Variants in NFAT5 observed in about 807,000 individuals in gnomAD.
The protein encoded by NFAT5 is nuclear factor of activated T cells 5.
Under a neutral mutation model 166.5 loss-of-function variants are expected in NFAT5, and 31 were observed. That is an observed-to-expected ratio of 0.19 (90% CI 0.14 to 0.25). The LOEUF (loss-of-function observed/expected upper bound fraction) is 0.25. NFAT5 is among the 10% of genes least tolerant of loss of function. The probability of loss-of-function intolerance (pLI) is 1.00; values close to 1 mark genes in which losing one functional copy is unlikely to be tolerated. For synonymous variants in NFAT5, 612 were observed against 639.7 expected, an observed-to-expected ratio of 0.96 and a Z score of 0.65; for missense variants, 1,449 against 1,821.8, an observed-to-expected ratio of 0.80 and a Z score of 3.72.
At chr16:69,611,861 T>G (rs2033717490) in intron 2 of NFAT5, among the ~76,000 whole-genome samples, 1 of 152,216 alleles carries the variant, frequency 6.6e-6, no homozygotes, top group South Asian at 2.1e-4. Flanking sequence ...TCACTGTAAT[T>G]TAAGCCCATT....
intron 10 of NFAT5, among the ~76,000 whole-genome samples, chr16:69,680,017 CT>C (rs1449884661): frequency 1.3e-5 from 2 of 152,112 alleles, no homozygotes; most frequent in African/African-American, 2.4e-5. Context: ...ACTCAGGAGG[CT>C]GAGGCAGGAG....
At chr16:69,600,335 A>G (rs1405155009) in intron 2 of NFAT5, among the ~76,000 whole-genome samples, 1 of 152,198 alleles carries the variant, frequency 6.6e-6, no homozygotes, top group Non-Finnish European at 1.5e-5. Flanking sequence ...TGGTTGGAAC[A>G]GAAGCCAAGT....
intron 2 of NFAT5, among the ~76,000 whole-genome samples, chr16:69,603,297 T>C (rs1196431155): frequency 5.9e-5 from 9 of 152,198 alleles, no homozygotes; most frequent in Non-Finnish European, 1.2e-4. Context: ...ACCTAAAGTG[T>C]GCAAATATTA....
chr16:69,684,855 G>T (rs1442548541), intron 10 of NFAT5, 32 bp from the exon 11 acceptor site: 1 of 1,434,184 alleles, frequency 7.0e-7, no homozygotes, highest in Non-Finnish European at 9.6e-7. Flanking sequence ...ATGAGTAAAT[G>T]TAGATAAATA....
At chr16:69,658,807 A>G (rs998455405) in intron 6 of NFAT5, among the ~76,000 whole-genome samples, 2 of 152,170 alleles carry the variant, frequency 1.3e-5, no homozygotes, top group East Asian at 1.9e-4. Context: ...GGCCTGGGTG[A>G]CAGAGCGAGA....
At position 69,598,636 on chromosome 16, in the gene NFAT5, T is replaced by C. The variant is rs967702212; in HGVS notation, c.128-27767T>C. Reference sequence around the variant, plus strand: ...GCTATGCAACAAGCACTAAGCTATATGCTGGGGCTACAAAAAGTAAAGAAA... The same window carrying C: ...GCTATGCAACAAGCACTAAGCTATACGCTGGGGCTACAAAAAGTAAAGAAA... On this transcript the variant is annotated intron_variant, in intron 2 of 14. Coordinates refer to ENST00000349945, the MANE Select transcript of NFAT5 (RefSeq NM_138713.4). 1.6e-4 allele frequency among the ~76,000 whole-genome samples: 24 copies of C among 152,302 alleles called. 2 individuals carry two copies. Among genetic ancestry groups the C allele is most frequent in the East Asian group, 1.5e-3 (8 of 5,192 alleles).
At chr16:69,610,692 C>T (rs1201619234) in intron 2 of NFAT5, among the ~76,000 whole-genome samples, 1 of 152,204 alleles carries the variant, frequency 6.6e-6, no homozygotes. Flanking sequence ...AATTTCTTCT[C>T]CGTAAAAACT....
intron 2 of NFAT5, among the ~76,000 whole-genome samples, chr16:69,609,120 CAA>C (rs112743547): frequency 3.0e-5 from 4 of 132,940 alleles, no homozygotes; most frequent in South Asian, 4.9e-4. Context: ...GACTCCGCCT[CAA>C]AAAAAAAAAA....
intron 11 of NFAT5, among the ~76,000 whole-genome samples, chr16:69,688,998 G>A (rs114677628): frequency 0.036 from 5,413 of 152,316 alleles, 341 homozygotes; most frequent in African/African-American, 0.12. Context: ...TGTAGGCCGA[G>A]TGTGGTGGCT....
chr16:69,626,938 A>T (rs9934321), intron 3 of NFAT5, among the ~76,000 whole-genome samples: 3 of 151,976 alleles, frequency 2.0e-5, no homozygotes, highest in Non-Finnish European at 4.4e-5. Flanking sequence ...GAAGCACTCA[A>T]GTGTCTTTTA....
At position 69,701,839 on chromosome 16, in the gene NFAT5, T is replaced by G. The variant is rs972445019; in HGVS notation, c.*5488T>G. The G allele has an allele frequency of 6.6e-6, 1 of 152,252 alleles. No homozygotes were observed. The highest frequency in any genetic ancestry group is 2.4e-5 in the African/African-American group (1 of 41,470). The allele number at this position is 152,252 out of a possible 1,614,324, so 9.4% of individuals were successfully genotyped here. ...GGCAAAGTTGTTTATGTTAGTGTAC[T>G]TCTTGTCTATCCTCAGTTAATTTAC... On this transcript the variant is annotated 3_prime_UTR_variant, in exon 15 of 15. Transcript: ENST00000349945.
chr16:69,679,267 C>G (rs369410978), intron 10 of NFAT5, among the ~76,000 whole-genome samples: 5 of 152,120 alleles, frequency 3.3e-5, no homozygotes, highest in African/African-American at 1.2e-4. Flanking sequence ...AATTTTGCAA[C>G]ATTATTTTCT....
chr16:69,607,200 A>G (rs938019223), intron 2 of NFAT5, among the ~76,000 whole-genome samples: 1 of 152,200 alleles, frequency 6.6e-6, no homozygotes, highest in African/African-American at 2.4e-5. Context: ...CACAAAAAAT[A>G]AGTGATACAT....
In NFAT5 at chr16:69,588,310, G is replaced by A. The variant is rs28606033; in HGVS notation, c.127+19762G>A. Among the ~76,000 whole-genome samples the A allele has an allele frequency of 2.4e-4, 36 of 152,184 alleles. 1 individual carries two copies. In the South Asian group the frequency reaches 7.1e-3, roughly 30 times the overall value. On this transcript the variant is annotated intron_variant, in intron 2 of 14. Coordinates refer to ENST00000349945, the MANE Select transcript of NFAT5 (RefSeq NM_138713.4). ...GATAGATAACCTGACTAGCATATTA[G>A]CTTAATATCTTTTCTAATTATAAAA...
At chr16:69,583,691 A>G (rs1216284859) in intron 2 of NFAT5, among the ~76,000 whole-genome samples, 1 of 152,216 alleles carries the variant, frequency 6.6e-6, no homozygotes, top group African/African-American at 2.4e-5. Flanking sequence ...AAGCTTCTTA[A>G]GGGCATTGAC....
chr16:69,602,601 A>G (rs1443573824), intron 2 of NFAT5, among the ~76,000 whole-genome samples: 1 of 126,290 alleles, frequency 7.9e-6, no homozygotes, highest in Non-Finnish European at 1.6e-5. Context: ...TTTTTTTTTG[A>G]GACAGACTCT....
chr16:69,600,565 C>T (rs767287910), intron 2 of NFAT5, among the ~76,000 whole-genome samples: 3 of 151,958 alleles, frequency 2.0e-5, no homozygotes, highest in South Asian at 4.1e-4. Flanking sequence ...ATCTAGTGCA[C>T]ATGGTTGCTT....
intron 2 of NFAT5, among the ~76,000 whole-genome samples, chr16:69,613,482 A>C (rs1000505997): frequency 4.6e-5 from 7 of 152,202 alleles, no homozygotes; most frequent in Non-Finnish European, 7.3e-5. Context: ...CCCTGCCTTT[A>C]GTAGTTTCAT....
intron 7 of NFAT5, among the ~76,000 whole-genome samples, chr16:69,662,552 C>T (rs1011307860): frequency 2.0e-5 from 3 of 150,110 alleles, no homozygotes; most frequent in South Asian, 2.1e-4. Flanking sequence ...CTCCACCTCC[C>T]GGGTTCCCGC....
Sources: allele counts gnomAD v4.1 joint callset (sites outside exome capture counted in the v4.1 genomes callset), GRCh38; gene constraint gnomAD v4.1.1; transcripts MANE v1.5; gene names NCBI Gene and HGNC (gene_info 2026-07-23, HGNC 2026-07-21).